NLGN4X: variants seen among roughly 807,000 people sequenced by gnomAD.
NLGN4X encodes neuroligin 4 X-linked.
A neutral mutation model predicts 40.3 loss-of-function variants in NLGN4X; 3 were observed. The observed-to-expected ratio is 0.07, with a 90% CI of 0.03 to 0.19. NLGN4X has a LOEUF of 0.19. Ranked by LOEUF, NLGN4X falls within the 10% of genes least tolerant of loss-of-function variation. The pLI, the probability that NLGN4X is intolerant of heterozygous loss-of-function variation, is 1.00. For missense variants in NLGN4X, 382 were observed against 708.3 expected, an observed-to-expected ratio of 0.54 and a Z score of 5.23; for synonymous variants, 270 against 306.8, an observed-to-expected ratio of 0.88 and a Z score of 1.25.
rs1220178708 is a variant in NLGN4X, at chrX:5,903,657, C to T, written c.1021G>A (p.Gly341Arg). The T allele has an allele frequency of 8.3e-7, 1 of 1,209,849 alleles. No homozygotes were observed. The highest frequency in any genetic ancestry group is 1.8e-5 in the African/African-American group (1 of 57,026). Residue 341 changes from glycine to arginine, a missense_variant, in exon 5 of 6, where the codon GGG becomes AGG. Transcript: ENST00000381095. Reference sequence around the variant, plus strand: ...ATGACGTCGCCGTCGATCACCGGCCCGAAGGCTATGTGGTAGGTGGCCGGG... The same window carrying T: ...ATGACGTCGCCGTCGATCACCGGCCTGAAGGCTATGTGGTAGGTGGCCGGG... The part of the protein sequence containing the change: ...ITPATYHIAF[G>R]PVIDGDVIPD...
chrX:5,940,827 A>T (rs1449369833), intron 3 of NLGN4X, among the ~76,000 whole-genome samples: 2 of 111,064 alleles, frequency 1.8e-5, no homozygotes, highest in Non-Finnish European at 3.8e-5. Flanking sequence ...AAAAGAATAA[A>T]ATGTTAGGGC....
At chrX:6,055,715 C>T (rs1012608394) in intron 2 of NLGN4X, among the ~76,000 whole-genome samples, 1 of 111,749 alleles carries the variant, frequency 8.9e-6, no homozygotes, top group Non-Finnish European at 1.9e-5. Flanking sequence ...ATATTTAACA[C>T]ATTAAATATA....
chrX:5,996,390 T>C (rs1338737770), intron 3 of NLGN4X, among the ~76,000 whole-genome samples: 1 of 111,595 alleles, frequency 9.0e-6, no homozygotes, highest in South Asian at 3.7e-4. Context: ...CTGATTTTTC[T>C]CCCTGCCGGG....
intron 1 of NLGN4X, among the ~76,000 whole-genome samples, chrX:6,219,234 A>G (rs758548870): frequency 9.5e-6 from 1 of 104,939 alleles, no homozygotes; most frequent in East Asian, 3.0e-4. Flanking sequence ...ACTATATTGT[A>G]TGTGGTGAAT....
chrX:5,898,005 TCTTC>T (rs781033481), intron 5 of NLGN4X, among the ~76,000 whole-genome samples: 3 of 96,208 alleles, frequency 3.1e-5, no homozygotes, highest in Non-Finnish European at 6.2e-5. Flanking sequence ...TTTTCCTCCC[TCTTC>T]CTTCCTCCCT....
chrX:5,943,532 G>A (rs1444740224), intron 3 of NLGN4X, among the ~76,000 whole-genome samples: 7 of 112,258 alleles, frequency 6.2e-5, no homozygotes, highest in Non-Finnish European at 1.1e-4. Flanking sequence ...AGGACATGCA[G>A]GCAGTGTGAA....
At chrX:5,918,713 T>A (rs1171190253) in intron 3 of NLGN4X, among the ~76,000 whole-genome samples, 5 of 112,377 alleles carry the variant, frequency 4.4e-5, no homozygotes, top group Non-Finnish European at 9.4e-5. Context: ...CTTTTCTTTT[T>A]GAAGATAGCT....
chrX:6,219,165 A>G (rs1318800385), intron 1 of NLGN4X, among the ~76,000 whole-genome samples: 1 of 99,216 alleles, frequency 1.0e-5, no homozygotes, highest in Admixed American at 1.1e-4. Context: ...GTGTGTGTAT[A>G]TATATATATA....
chrX:6,124,665 G>A (rs1393813679), intron 2 of NLGN4X, among the ~76,000 whole-genome samples: 1 of 111,734 alleles, frequency 8.9e-6, no homozygotes, highest in Non-Finnish European at 1.9e-5. Flanking sequence ...CTGAGCAACA[G>A]AGCGAGACTC....
intron 2 of NLGN4X, among the ~76,000 whole-genome samples, chrX:6,070,830 G>A (rs1318222103): frequency 9.0e-6 from 1 of 111,413 alleles, no homozygotes; most frequent in African/African-American, 3.3e-5. Flanking sequence ...GTGCGAAGGA[G>A]GAACCTGCCA....
In NLGN4X at chrX:5,890,968, T is replaced by C; in HGVS notation, c.*1849A>G. The C allele has an allele frequency of 1.3e-5, 4 of 310,498 alleles. No homozygotes were observed. The highest frequency in any genetic ancestry group is 8.9e-5 in the South Asian group (3 of 33,812). 25.6% of individuals were successfully genotyped at this position (310,498 alleles called of 1,213,427 possible). A position where few individuals can be genotyped will look rare whatever the true frequency, so the allele number is the denominator to read the frequency against. ...CAATTTTTATGGGGAATGTCCACTT[T>C]AGCGGAGAGATTTAAGACTGGATTT... On this transcript the variant is annotated 3_prime_UTR_variant, in exon 6 of 6. Transcript: ENST00000381095.
rs192708054 is a variant in NLGN4X at position 6,036,109 on chromosome X, T to C, written c.473-6677A>G. Among the ~76,000 whole-genome samples, 267 of 111,754 alleles carry C rather than the reference T, an allele frequency of 2.4e-3. 1 individual carries two copies. Among genetic ancestry groups the C allele is most frequent in the African/African-American group, 7.8e-3 (239 of 30,753 alleles). On this transcript the variant is annotated intron_variant, in intron 2 of 5. Coordinates refer to ENST00000381095, the MANE Select transcript of NLGN4X (RefSeq NM_181332.3). ...ATTATATTTCATTGGTCTAAATTTA[T>C]ACCCATGTGAGTTGCCTGCTATCTT...
intron 3 of NLGN4X, among the ~76,000 whole-genome samples, chrX:5,974,899 T>A (rs2035129943): frequency 8.9e-6 from 1 of 112,013 alleles, no homozygotes; most frequent in East Asian, 2.8e-4. Flanking sequence ...GGGGCCATTG[T>A]TAACTGAAAT....
At position 6,225,689 on chromosome X, in the gene NLGN4X, C is replaced by CTTTTTTTTTTTTTTTTTTTT. The variant is rs749574818; in HGVS notation, c.-306+2832_-306+2851dup. 5.3e-3 allele frequency among the ~76,000 whole-genome samples: 143 copies of CTTTTTTTTTTTTTTTTTTTT among 26,916 alleles called. 16 individuals are homozygous for CTTTTTTTTTTTTTTTTTTTT. The highest frequency in any genetic ancestry group is 0.011 in the Admixed American group (16 of 1,437). The allele number at this position is 26,916 out of a possible 115,157, so 23.4% of individuals were successfully genotyped here. On this transcript the variant is annotated intron_variant, in intron 1 of 5. Coordinates refer to ENST00000381095, the MANE Select transcript of NLGN4X (RefSeq NM_181332.3). ...TTTCCTTTTTTTTCTTTCTTTTTTT[C>CTTTTTTTTTTTTTTTTTTTT]TTTTTTTTTTTTTTTTTTTTTTTTT... is the stretch of plus-strand genomic sequence containing the variant.
intron 1 of NLGN4X, among the ~76,000 whole-genome samples, chrX:6,194,479 T>G (rs893772402): frequency 9.0e-6 from 1 of 111,385 alleles, no homozygotes; most frequent in Non-Finnish European, 1.9e-5. Flanking sequence ...GGATTTTGCA[T>G]CTATAGGAAA....
intron 3 of NLGN4X, among the ~76,000 whole-genome samples, chrX:6,000,115 G>C (rs2035935872): frequency 8.9e-6 from 1 of 112,363 alleles, no homozygotes; most frequent in Admixed American, 9.4e-5. Flanking sequence ...CCATCCTTAA[G>C]ATGCCTGCAT....
At chrX:6,164,154 T>TA (rs1419222837) in intron 1 of NLGN4X, among the ~76,000 whole-genome samples, 1 of 113,001 alleles carries the variant, frequency 8.8e-6, no homozygotes, top group African/African-American at 3.2e-5. Context: ...AGTAAAGTGT[T>TA]AGAGTATTAC....
intron 1 of NLGN4X, among the ~76,000 whole-genome samples, chrX:6,187,322 CAAAA>C (rs74706267): frequency 1.5e-5 from 1 of 64,879 alleles, no homozygotes; most frequent in Non-Finnish European, 2.9e-5. Flanking sequence ...ACTAAAAATA[CAAAA>C]AAAAAAAAAA....
intron 3 of NLGN4X, among the ~76,000 whole-genome samples, chrX:5,954,420 A>G (rs2034416711): frequency 2.3e-5 from 2 of 87,003 alleles, no homozygotes; most frequent in African/African-American, 4.4e-5. Flanking sequence ...TTTTTTTAAG[A>G]GATGAGGTCT....
Sources: allele counts gnomAD v4.1 joint callset (sites outside exome capture counted in the v4.1 genomes callset), GRCh38; gene constraint gnomAD v4.1.1; transcripts MANE v1.5; gene names NCBI Gene and HGNC (gene_info 2026-07-23, HGNC 2026-07-21).